Variants in DDB2 observed in about 807,000 individuals in gnomAD.
DDB2 encodes the protein DNA damage-binding protein 2.
DDB2 carries 27 observed loss-of-function variants against 50.5 expected under a neutral mutation model. The observed-to-expected ratio is 0.53, with a 90% CI of 0.39 to 0.74. DDB2 has a LOEUF of 0.74. Ranked by LOEUF, DDB2 falls within the 30% of genes least tolerant of loss-of-function variation. The pLI, the probability that DDB2 is intolerant of heterozygous loss-of-function variation, is 0.00. For synonymous variants in DDB2, 176 were observed against 205.5 expected (o/e 0.86, Z 1.23); for missense variants, 424 against 545.6 (o/e 0.78, Z 2.22).
intron 3 of DDB2, among the ~76,000 whole-genome samples, chr11:47,228,419 TC>T (rs1953591380): frequency 6.6e-6 from 1 of 151,846 alleles, no homozygotes; most frequent in South Asian, 2.1e-4. Flanking sequence ...GGTGGGCAGA[TC>T]ACCTGAGGTC....
chr11:47,225,098 C>T (rs1041342134), intron 3 of DDB2, among the ~76,000 whole-genome samples: 1 of 151,722 alleles, frequency 6.6e-6, no homozygotes, highest in Non-Finnish European at 1.5e-5. Flanking sequence ...CACCACCACG[C>T]CCAGCTAATT....
At chr11:47,225,410 G>A (rs969048653) in intron 3 of DDB2, among the ~76,000 whole-genome samples, 6 of 151,674 alleles carry the variant, frequency 4.0e-5, no homozygotes, top group South Asian at 2.1e-4. Flanking sequence ...GGCCAACATG[G>A]TGAAACCCCG....
chr11:47,239,163 C>G lies in DDB2; in HGVS notation c.*314C>G. On this transcript the variant is annotated 3_prime_UTR_variant, in exon 10 of 10. Coordinates refer to ENST00000256996, the MANE Select transcript of DDB2 (RefSeq NM_000107.3). ...AGTGGGTGGTAGCAGAGGGATCAAG[C>G]AGTTATTTGATTTGTGCTCACTTTT... The G allele has an allele frequency of 2.4e-6, 1 of 422,938 alleles. No individual in the cohort carries two copies. The highest frequency in any genetic ancestry group is 4.4e-6 in the Non-Finnish European group (1 of 226,294). 26.2% of individuals were successfully genotyped at this position (422,938 alleles called of 1,614,324 possible).
intron 3 of DDB2, among the ~76,000 whole-genome samples, chr11:47,231,119 CAAAAAAAAAAAA>C (rs139290057): frequency 3.4e-5 from 2 of 58,374 alleles, no homozygotes; most frequent in African/African-American, 6.5e-5. Context: ...GCCTTCATCT[CAAAAAAAAAAAA>C]AAAAAAAAAA....
chr11:47,215,084 C>G lies in DDB2; in HGVS notation c.-53C>G. The G allele has an allele frequency of 6.2e-7, 1 of 1,613,556 alleles. No homozygotes were observed. Among genetic ancestry groups the G allele is most frequent in the Middle Eastern group, 1.7e-4 (1 of 6,058 alleles). ...GTTTCTCCCCAGAGGCCTCTCAATC[C>G]TCCCTCCATGATCTTCGCATAGAGC... On this transcript the variant is annotated 5_prime_UTR_variant, in exon 1 of 10. Transcript: ENST00000256996.
chr11:47,220,986 A>C (rs1953477114), intron 3 of DDB2, among the ~76,000 whole-genome samples: 1 of 152,060 alleles, frequency 6.6e-6, no homozygotes, highest in African/African-American at 2.4e-5. Flanking sequence ...CACATAGTGA[A>C]ACCCTGTCTC....
At position 47,232,908 on chromosome 11, in the gene DDB2, A is replaced by G. The variant is rs977177948; in HGVS notation, c.551A>G (p.Gln184Arg). Residue 184 changes from glutamine to arginine, a missense_variant, in exon 4 of 10, where the codon CAA (glutamine) becomes CGA (arginine). Physicochemically the swap from Gln to Arg is conservative, Grantham distance 43 (BLOSUM62 1). Coordinates refer to ENST00000256996, the MANE Select transcript of DDB2 (RefSeq NM_000107.3). ...TCAATGGAGGGAACAACTAGGCTGC[A>G]AGACTTTAAAGGCAACATTCTACGA... ...ASSMEGTTRL[Q>R]DFKGNILRVF... The G allele has an allele frequency of 3.7e-6, 6 of 1,614,218 alleles. No homozygotes were observed. In the Middle Eastern group the frequency reaches 8.3e-4, roughly 222 times the overall value.
At chr11:47,238,672 A>T in intron 9 of DDB2, 128 bp from the exon 10 acceptor site, 2 of 943,648 alleles carry the variant, frequency 2.1e-6, no homozygotes, top group Non-Finnish European at 3.3e-6. Context: ...TGCTGGGATT[A>T]CAGACTTGAG....
At chr11:47,235,157 C>G (rs2306353) in intron 6 of DDB2, 113 bp from the exon 7 acceptor site, 1 of 1,489,048 alleles carries the variant, frequency 6.7e-7, no homozygotes, top group Non-Finnish European at 9.4e-7. Context: ...TTCCTTTCCG[C>G]TCCTGTCTAG....
At chr11:47,226,515 C>G (rs1337354800) in intron 3 of DDB2, among the ~76,000 whole-genome samples, 1 of 151,866 alleles carries the variant, frequency 6.6e-6, no homozygotes, top group Non-Finnish European at 1.5e-5. Context: ...TCAGGTGATT[C>G]ATTTGCCTTG....
At chr11:47,226,734 CTTTTTTTTTTTTT>C (rs542832519) in intron 3 of DDB2, among the ~76,000 whole-genome samples, 38,152 of 125,362 alleles carry the variant, frequency 0.3, 6,233 homozygotes, top group Middle Eastern at 0.39. Context: ...AGTCCTTTGC[CTTTTTTTTTTTTT>C]TTTTTTTTTT....
At chr11:47,229,818 C>CTTTTTTTT (rs11376360) in intron 3 of DDB2, 187 of 329,542 alleles carry the variant, frequency 5.7e-4, no homozygotes, top group East Asian at 7.1e-4. Flanking sequence ...GATGGCTCTT[C>CTTTTTTTT]TTTTTTTTTT....
chr11:47,224,826 C>T (rs1057110407), intron 3 of DDB2, among the ~76,000 whole-genome samples: 4 of 151,850 alleles, frequency 2.6e-5, no homozygotes, highest in Non-Finnish European at 5.9e-5. Context: ...AGGGCTGCTC[C>T]ATAGGCAAAG....
chr11:47,214,712 A>G (rs912636182), upstream of DDB2: 2 of 305,810 alleles, frequency 6.5e-6, no homozygotes, highest in Non-Finnish European at 1.3e-5. Context: ...TGGAGGCTGC[A>G]CTGAGCTATG....
chr11:47,216,314 A>T (rs1366298996), intron 1 of DDB2, 22 bp from the exon 2 acceptor site: 6 of 1,613,920 alleles, frequency 3.7e-6, no homozygotes, highest in Non-Finnish European at 5.1e-6. Flanking sequence ...GGAGAGGAAA[A>T]TATGTCTGTT....
At chr11:47,214,804 C>T, upstream of DDB2, 1 of 398,688 alleles carries the variant, frequency 2.5e-6, no homozygotes, top group Non-Finnish European at 4.7e-6. Context: ...AAGCCGGGGA[C>T]CATCTTTGCT....
Position 47,216,407 on chromosome 11 carries a change from C to A in DDB2, c.199C>A (p.Arg67Ser). The A allele has an allele frequency of 6.2e-7, 1 of 1,614,088 alleles. No individual in the cohort carries two copies. Among genetic ancestry groups the A allele is most frequent in the Non-Finnish European group, 8.5e-7 (1 of 1,180,036 alleles). Reference protein sequence around the residue: ...LAGPQILPPCRSIVRTLHQHK... With the variant: ...LAGPQILPPCSSIVRTLHQHK... ...TGGCCCACAGATCCTGCCACCATGC[C>A]GCAGCATCGTCAGGACCCTCCACCA... Residue 67 changes from arginine to serine, a missense_variant, in exon 2 of 10, where the codon CGC (arginine) becomes AGC (serine). By Grantham distance (110) the Arg-to-Ser change is moderately radical. Coordinates refer to ENST00000256996, the MANE Select transcript of DDB2 (RefSeq NM_000107.3).
At chr11:47,222,777 T>G (rs754089464) in intron 3 of DDB2, among the ~76,000 whole-genome samples, 1 of 152,262 alleles carries the variant, frequency 6.6e-6, no homozygotes, top group Non-Finnish European at 1.5e-5. Flanking sequence ...GATATATGTT[T>G]TCATTTTTCT....
At chr11:47,234,994 T>A in intron 6 of DDB2, 60 bp downstream of exon 6, 1 of 1,582,508 alleles carries the variant, frequency 6.3e-7, no homozygotes, top group Non-Finnish European at 8.7e-7. Flanking sequence ...ACTGCTGGGG[T>A]TTTCCCTCAG....
Sources: gnomAD v4.1 joint callset for allele counts (sites outside exome capture counted in the v4.1 genomes callset) on GRCh38, gnomAD v4.1.1 for gene constraint, MANE v1.5 for transcripts, NCBI Gene and HGNC (gene_info 2026-07-23, HGNC 2026-07-21) for gene names.